The following MECOM variants were observed in gnomAD, a reference collection of about 807,000 sequenced individuals.
The protein encoded by MECOM is histone-lysine N-methyltransferase MECOM.
Under a neutral mutation model 116.3 loss-of-function variants are expected in MECOM, and 13 were observed. The ratio of observed to expected loss-of-function variants is 0.11; its 90% CI spans 0.07 to 0.18. The LOEUF (loss-of-function observed/expected upper bound fraction) is 0.18, where lower values mean the gene tolerates loss of function less well. Ranked by LOEUF, MECOM falls within the 10% of genes least tolerant of loss-of-function variation. The pLI is 1.00. For missense variants in MECOM, 1,299 were observed against 1,509.0 expected, an observed-to-expected ratio of 0.86 and a Z score of 2.31; for synonymous variants, 528 against 535.2, an observed-to-expected ratio of 0.99 and a Z score of 0.19.
intron 1 of MECOM, among the ~76,000 whole-genome samples, chr3:169,428,081 G>A (rs368418859): frequency 8.5e-5 from 13 of 152,212 alleles, no homozygotes; most frequent in African/African-American, 2.9e-4. Flanking sequence ...TTGGGAGGCT[G>A]AGGCAGAAGA....
intron 1 of MECOM, among the ~76,000 whole-genome samples, chr3:169,475,757 G>A (rs896253206): frequency 1.3e-5 from 2 of 152,014 alleles, no homozygotes; most frequent in Non-Finnish European, 2.9e-5. Context: ...AAAAGGGGGA[G>A]GAGGAGGGAA....
At chr3:169,485,799 A>C (rs1012253706) in intron 1 of MECOM, among the ~76,000 whole-genome samples, 1 of 148,618 alleles carries the variant, frequency 6.7e-6, no homozygotes, top group Non-Finnish European at 1.5e-5. Flanking sequence ...TAACTTTGAA[A>C]TGTACAATTC....
At chr3:169,548,674 C>G (rs369287544) in intron 1 of MECOM, among the ~76,000 whole-genome samples, 1 of 152,104 alleles carries the variant, frequency 6.6e-6, no homozygotes, top group Non-Finnish European at 1.5e-5. Context: ...TGAATGCAGA[C>G]GTGTAAATAC....
At chr3:169,150,110 AAAG>A (rs1277591553) in intron 2 of MECOM, among the ~76,000 whole-genome samples, 3 of 151,984 alleles carry the variant, frequency 2.0e-5, no homozygotes, top group Non-Finnish European at 4.4e-5. Flanking sequence ...CACACAACTT[AAAG>A]TTTAAAGATA....
intron 2 of MECOM, among the ~76,000 whole-genome samples, chr3:169,353,933 T>C (rs1278104636): frequency 1.3e-5 from 2 of 151,868 alleles, no homozygotes; most frequent in Non-Finnish European, 2.9e-5. Context: ...TCCTAATATA[T>C]AGGCAAGTCT....
chr3:169,205,801 C>G (rs1392115220), intron 2 of MECOM, among the ~76,000 whole-genome samples: 2 of 152,126 alleles, frequency 1.3e-5, no homozygotes, highest in African/African-American at 4.8e-5. Flanking sequence ...TCATTTAACT[C>G]AGATATTGCA....
At chr3:169,397,827 C>A (rs1002792129) in intron 1 of MECOM, among the ~76,000 whole-genome samples, 2 of 152,296 alleles carry the variant, frequency 1.3e-5, no homozygotes, top group Admixed American at 1.3e-4. Context: ...TTGTCATGGG[C>A]AGCTCATTCT....
intron 2 of MECOM, among the ~76,000 whole-genome samples, chr3:169,184,560 T>C (rs904963236): frequency 6.6e-6 from 1 of 152,088 alleles, no homozygotes; most frequent in African/African-American, 2.4e-5. Context: ...CCCAGAAATA[T>C]TGAACAAGTA....
At chr3:169,543,128 TAG>T (rs1413118011) in intron 1 of MECOM, among the ~76,000 whole-genome samples, 1 of 152,116 alleles carries the variant, frequency 6.6e-6, no homozygotes. Flanking sequence ...GGAAATCAAG[TAG>T]AGAGAGGAAA....
chr3:169,486,040 T>C (rs1752335539), intron 1 of MECOM, among the ~76,000 whole-genome samples: 2 of 137,620 alleles, frequency 1.5e-5, no homozygotes, highest in Non-Finnish European at 3.1e-5. Flanking sequence ...TATATATATA[T>C]GTATATATAT....
chr3:169,353,628 G>A (rs997787883), intron 2 of MECOM, among the ~76,000 whole-genome samples: 1 of 151,714 alleles, frequency 6.6e-6, no homozygotes. Flanking sequence ...AAACCAGCTG[G>A]TATGTAGCCA....
chr3:169,355,661 T>G (rs1290785741), intron 2 of MECOM, among the ~76,000 whole-genome samples: 1 of 151,958 alleles, frequency 6.6e-6, no homozygotes, highest in Non-Finnish European at 1.5e-5. Flanking sequence ...TTTCCAAGTA[T>G]ATGTTCTTTT....
At chr3:169,470,654 C>G (rs1365013812) in intron 1 of MECOM, among the ~76,000 whole-genome samples, 1 of 152,084 alleles carries the variant, frequency 6.6e-6, no homozygotes, top group Non-Finnish European at 1.5e-5. Flanking sequence ...AATTCTGAGG[C>G]ATGTCACAGT....
chr3:169,586,260 ATT>A lies in MECOM; in HGVS notation c.37+77074_37+77075del, dbSNP rs989199316. Among the ~76,000 whole-genome samples, 23 of 152,322 alleles carry A rather than the reference ATT, an allele frequency of 1.5e-4. No homozygotes were observed. In the Middle Eastern group the frequency reaches 0.01, roughly 68 times the overall value. ...GTTATGAATATACTATTTAGTTTAA[ATT>A]TTTTTACATTATAAACCACACTCTG... On this transcript the variant is annotated intron_variant, in intron 1 of 16. Coordinates refer to ENST00000651503, the MANE Select transcript of MECOM (RefSeq NM_004991.4).
At chr3:169,294,382 A>T (rs2149701764) in intron 2 of MECOM, among the ~76,000 whole-genome samples, 1 of 152,308 alleles carries the variant, frequency 6.6e-6, no homozygotes, top group Non-Finnish European at 1.5e-5. Flanking sequence ...TTAGCCAAAC[A>T]CAGAGAAAAA....
intron 2 of MECOM, among the ~76,000 whole-genome samples, chr3:169,162,594 T>C (rs1043597446): frequency 8.5e-5 from 13 of 152,290 alleles, no homozygotes; most frequent in Admixed American, 5.9e-4. Context: ...TCAACGTTCA[T>C]TTAACTGCTT....
At chr3:169,646,961 C>G (rs979820401) in intron 1 of MECOM, among the ~76,000 whole-genome samples, 2 of 152,200 alleles carry the variant, frequency 1.3e-5, no homozygotes, top group Non-Finnish European at 2.9e-5. Flanking sequence ...TGACCAGCCC[C>G]TGTCATAAAA....
chr3:169,477,950 C>A (rs1296221357), intron 1 of MECOM, among the ~76,000 whole-genome samples: 2 of 152,172 alleles, frequency 1.3e-5, no homozygotes, highest in Non-Finnish European at 1.5e-5. Context: ...GGATGCCTGT[C>A]GGATAGACAA....
chr3:169,358,788 A>G (rs777333091), intron 2 of MECOM, among the ~76,000 whole-genome samples: 1 of 151,756 alleles, frequency 6.6e-6, no homozygotes, highest in Non-Finnish European at 1.5e-5. Flanking sequence ...TAAGACTTAT[A>G]ACAAAGTTAA....
Sources: gnomAD v4.1 joint callset for allele counts (sites outside exome capture counted in the v4.1 genomes callset) on GRCh38, gnomAD v4.1.1 for gene constraint, MANE v1.5 for transcripts, NCBI Gene and HGNC (gene_info 2026-07-23, HGNC 2026-07-21) for gene names.